The following ITGA9 variants were observed in gnomAD, a reference collection of about 807,000 sequenced individuals.
The protein encoded by ITGA9 is integrin alpha-9.
Under a neutral mutation model 127.8 loss-of-function variants are expected in ITGA9, and 56 were observed. That is an observed-to-expected ratio of 0.44 (90% CI 0.35 to 0.55). ITGA9 has a LOEUF of 0.55. ITGA9 is among the 20% of genes least tolerant of loss of function. ITGA9 has a pLI of 0.00. For missense variants in ITGA9, 1,196 were observed against 1,347.1 expected, an observed-to-expected ratio of 0.89 and a Z score of 1.76; for synonymous variants, 508 against 514.5, an observed-to-expected ratio of 0.99 and a Z score of 0.17.
chr3:37,756,761 C>T (rs888370736), intron 23 of ITGA9, among the ~76,000 whole-genome samples: 1 of 152,088 alleles, frequency 6.6e-6, no homozygotes, highest in African/African-American at 2.4e-5. Context: ...TACAACAACA[C>T]AAAAATAAGC....
intron 26 of ITGA9, among the ~76,000 whole-genome samples, chr3:37,786,745 G>A (rs1158770358): frequency 6.6e-6 from 1 of 152,222 alleles, no homozygotes; most frequent in Non-Finnish European, 1.5e-5. Flanking sequence ...ATGAGTGAGG[G>A]GTTGGGCATT....
At chr3:37,755,812 TG>T (rs893768482) in intron 23 of ITGA9, among the ~76,000 whole-genome samples, 6 of 152,080 alleles carry the variant, frequency 3.9e-5, no homozygotes, top group Non-Finnish European at 8.8e-5. Flanking sequence ...ATTCTTGTCT[TG>T]GGGGGACAAG....
chr3:37,596,198 G>T (rs1699868600), intron 15 of ITGA9, among the ~76,000 whole-genome samples: 1 of 152,212 alleles, frequency 6.6e-6, no homozygotes, highest in African/African-American at 2.4e-5. Context: ...TTTTCCCTGA[G>T]TGCAAAAGAG....
intron 18 of ITGA9, among the ~76,000 whole-genome samples, chr3:37,686,895 G>A (rs1314588836): frequency 2.0e-5 from 3 of 152,162 alleles, no homozygotes; most frequent in Non-Finnish European, 4.4e-5. Context: ...ACCCAGCACC[G>A]GGTAGGATTC....
chr3:37,508,580 C>A lies in ITGA9; in HGVS notation c.850C>A (p.Arg284=), dbSNP rs778737263. 6.2e-7 allele frequency: 1 copy of A among 1,613,212 alleles called. No homozygotes were observed. The highest frequency in any genetic ancestry group is 8.5e-7 in the Non-Finnish European group (1 of 1,179,668). ...IGKVYIFRAD[R]RSGTLIKIFQ... is the part of the protein sequence containing the mutation. ...ATAGGTTTATATTTTCAGAGCTGAC[C>A]GAAGATCAGGCACCTTAATTAAGAT... The change falls in exon 8 of 28, where the codon CGA becomes AGA. Residue 284 remains arginine (R), a synonymous_variant. Coordinates refer to ENST00000264741, the MANE Select transcript of ITGA9 (RefSeq NM_002207.3).
chr3:37,664,412 A>G (rs1276723913), intron 17 of ITGA9, among the ~76,000 whole-genome samples: 1 of 145,656 alleles, frequency 6.9e-6, no homozygotes, highest in Non-Finnish European at 1.5e-5. Flanking sequence ...GCATTGAGTC[A>G]GCACATTCTT....
Position 37,629,042 on chromosome 3 carries a change from T to A in ITGA9, c.1690-145T>A. ...GGCCTCAATTACCTCATTTAAAATA[T>A]GAAAGTCATAAAACCCTACCTCACG... On this transcript the variant is annotated intron_variant, in intron 15 of 27. Transcript: ENST00000264741. The surrounding 1 kb of genome is among the most constrained non-coding windows in gnomAD (Gnocchi z 4.5). 1 of 945,652 alleles carries A rather than the reference T, an allele frequency of 1.1e-6. No homozygotes were observed. Among genetic ancestry groups the A allele is most frequent in the Non-Finnish European group, 1.7e-6 (1 of 598,996 alleles). 58.6% of individuals were successfully genotyped at this position (945,652 alleles called of 1,614,324 possible).
intron 16 of ITGA9, among the ~76,000 whole-genome samples, chr3:37,630,901 G>GTGGAGAAGGC (rs1343468109): frequency 1.3e-5 from 2 of 152,204 alleles, no homozygotes; most frequent in African/African-American, 4.8e-5. Flanking sequence ...ACTCTGAGGT[G>GTGGAGAAGGC]TGGAGAAGGC....
chr3:37,751,392 T>C (rs993723282), intron 23 of ITGA9, among the ~76,000 whole-genome samples: 1 of 152,156 alleles, frequency 6.6e-6, no homozygotes, highest in Non-Finnish European at 1.5e-5. Context: ...CCCTCTTAAA[T>C]ATTATTAACC....
rs374304892 is a variant in ITGA9, at chr3:37,819,258, G to A, written c.*269G>A. ...CGAGCAATATTTATGGATGCAACAC[G>A]CATGGTCAACCCTCAGGGGAAAACT... On this transcript the variant is annotated 3_prime_UTR_variant, in exon 28 of 28. Transcript: ENST00000264741. 23 of 532,424 alleles carry A rather than the reference G, an allele frequency of 4.3e-5. No individual in the cohort carries two copies. Among genetic ancestry groups the A allele is most frequent in the East Asian group, 2.9e-4 (9 of 30,620 alleles). 33.0% of individuals were successfully genotyped at this position (532,424 alleles called of 1,614,324 possible).
intron 16 of ITGA9, among the ~76,000 whole-genome samples, chr3:37,639,402 GAGA>G (rs1235171537): frequency 1.3e-5 from 2 of 152,224 alleles, no homozygotes; most frequent in African/African-American, 4.8e-5. Flanking sequence ...TCTGGCTGAG[GAGA>G]AGATGTTCTA....
In ITGA9 at chr3:37,452,842, G is replaced by T. The variant is rs1246254681; in HGVS notation, c.185+283G>T. Reference sequence around the variant, plus strand: ...GCGTGGGGGGAGAGCCGCTAGAGTTGTCTCCTCCGCCGCCCAGCTAGACTC... The same window carrying T: ...GCGTGGGGGGAGAGCCGCTAGAGTTTTCTCCTCCGCCGCCCAGCTAGACTC... On this transcript the variant is annotated intron_variant, in intron 1 of 27. Coordinates refer to ENST00000264741, the MANE Select transcript of ITGA9 (RefSeq NM_002207.3). The surrounding 1 kb of genome is among the most constrained non-coding windows in gnomAD (Gnocchi z 7.3). 3.9e-5 allele frequency among the ~76,000 whole-genome samples: 6 copies of T among 152,110 alleles called. No individual in the cohort carries two copies. Among genetic ancestry groups the T allele is most frequent in the African/African-American group, 1.4e-4 (6 of 41,430 alleles).
In ITGA9 at chr3:37,799,245, C is replaced by T. The variant is rs182695935; in HGVS notation, c.2890-4578C>T. On this transcript the variant is annotated intron_variant, in intron 26 of 27. Transcript: ENST00000264741. The surrounding 1 kb of genome is among the most constrained non-coding windows in gnomAD (Gnocchi z 4.0). ...CCAGGCTGGAATGCAGTGGTGCCAC[C>T]TTGACTCACTGCAGCCTCCACCTCC... 2.8e-3 allele frequency among the ~76,000 whole-genome samples: 422 copies of T among 152,176 alleles called. 10 individuals carry two copies. Among genetic ancestry groups the T allele is most frequent in the Admixed American group, 0.025 (386 of 15,276 alleles).
intron 16 of ITGA9, among the ~76,000 whole-genome samples, chr3:37,633,984 T>G (rs1158380573): frequency 6.6e-6 from 1 of 152,228 alleles, no homozygotes; most frequent in Non-Finnish European, 1.5e-5. Flanking sequence ...CGTCTCTATG[T>G]CATGGTTAAA....
At chr3:37,633,508 A>C (rs1258552221) in intron 16 of ITGA9, among the ~76,000 whole-genome samples, 2 of 152,228 alleles carry the variant, frequency 1.3e-5, no homozygotes, top group African/African-American at 2.4e-5. Context: ...ATCTCATGTA[A>C]TGTATTGAAC....
At position 37,452,488 on chromosome 3, in the gene ITGA9, G is replaced by A. The variant is rs1245456483; in HGVS notation, c.114G>A (p.Val38=). 14 of 1,517,520 alleles carry A rather than the reference G, an allele frequency of 9.2e-6. No homozygotes were observed. The highest frequency in any genetic ancestry group is 1.2e-5 in the Non-Finnish European group (14 of 1,132,470). The allele number at this position is 1,517,520 out of a possible 1,614,324, so 94.0% of individuals were successfully genotyped here. ...ACAACCTCGACCCGCAGCGCCCCGT[G>A]CACTTCCAGGGCCCCGCTGACTCGT... The part of the protein sequence containing the change: ...GAYNLDPQRP[V]HFQGPADSFF... The change falls in exon 1 of 28, where the codon GTG becomes GTA. Residue 38 remains valine (V), a synonymous_variant. Transcript: ENST00000264741. The surrounding 1 kb of genome is among the most constrained non-coding windows in gnomAD (Gnocchi z 7.3).
intron 3 of ITGA9, among the ~76,000 whole-genome samples, chr3:37,478,749 G>T: frequency 6.6e-6 from 1 of 152,172 alleles, no homozygotes; most frequent in South Asian, 2.1e-4. Flanking sequence ...TTCTCTTTCT[G>T]TAATTTATAT....
intron 1 of ITGA9, among the ~76,000 whole-genome samples, chr3:37,468,847 G>C (rs1238873426): frequency 6.6e-6 from 1 of 152,114 alleles, no homozygotes; most frequent in Non-Finnish European, 1.5e-5. Flanking sequence ...TCTTTTCTAG[G>C]CTGCTGGAGA....
chr3:37,641,776 C>A (rs962392795), intron 16 of ITGA9, among the ~76,000 whole-genome samples: 1 of 152,218 alleles, frequency 6.6e-6, no homozygotes, highest in African/African-American at 2.4e-5. Context: ...CTCAAACTTA[C>A]CAGGCCTCTG....
Sources: gnomAD v4.1 joint callset for allele counts (sites outside exome capture counted in the v4.1 genomes callset) on GRCh38, gnomAD v4.1.1 for gene constraint, Gnocchi (gnomAD v3.1) non-coding constraint, MANE v1.5 for transcripts, NCBI Gene and HGNC (gene_info 2026-07-23, HGNC 2026-07-21) for gene names.